The following CHID1 variants were observed in gnomAD, a reference collection of about 807,000 sequenced individuals.
The protein encoded by CHID1 is chitinase domain containing 1, also known as chitinase domain-containing protein 1.
A neutral mutation model predicts 55.4 loss-of-function variants in CHID1; 44 were observed. The observed-to-expected ratio is 0.79, with a 90% CI of 0.62 to 1.02. CHID1 has a LOEUF of 1.02. Among genes scored for constraint, CHID1 ranks in the 50% least tolerant of loss-of-function variants. CHID1 has a pLI of 0.00. For synonymous variants in CHID1, 216 were observed against 212.9 expected, an observed-to-expected ratio of 1.01 and a Z score of -0.13; for missense variants, 491 against 515.3, an observed-to-expected ratio of 0.95 and a Z score of 0.46.
At chr11:878,438 T>C (rs1195689519) in intron 10 of CHID1, among the ~76,000 whole-genome samples, 1 of 151,816 alleles carries the variant, frequency 6.6e-6, no homozygotes, top group East Asian at 2.0e-4. Context: ...TGGTGGCACA[T>C]GCCTGTAATT....
upstream of CHID1, chr11:910,958 G>C (rs1852642925): frequency 2.5e-6 from 1 of 392,566 alleles, no homozygotes; most frequent in Non-Finnish European, 3.5e-6. Flanking sequence ...GCCGGGGCCG[G>C]GGCCGGGGCG....
At chr11:880,301 A>G (rs1589832326) in intron 10 of CHID1, among the ~76,000 whole-genome samples, 2 of 152,138 alleles carry the variant, frequency 1.3e-5, no homozygotes, top group African/African-American at 4.8e-5. Context: ...CCCCAGGCCC[A>G]CCTCAGCCAG....
intron 10 of CHID1, among the ~76,000 whole-genome samples, chr11:877,183 T>C (rs999780135): frequency 3.3e-5 from 5 of 152,128 alleles, no homozygotes; most frequent in African/African-American, 1.2e-4. Context: ...ATACACACCT[T>C]TGTAATCAGA....
At chr11:914,800 C>A (rs927485490), upstream of CHID1, 3 of 342,218 alleles carry the variant, frequency 8.8e-6, no homozygotes, top group Admixed American at 8.0e-5. Flanking sequence ...GGGTTTGTGT[C>A]TTCCCCAGGC....
At chr11:896,125 A>G (rs1337385541) in intron 7 of CHID1, among the ~76,000 whole-genome samples, 2 of 136,444 alleles carry the variant, frequency 1.5e-5, no homozygotes, top group South Asian at 2.3e-4. Context: ...CAGTGCCCCC[A>G]GCCTCCACCC....
Position 875,436 on chromosome 11 carries a change from T to C in CHID1, c.960-4937A>G, listed in dbSNP as rs542473657. Among the ~76,000 whole-genome samples, 2 of 152,220 alleles carry C rather than the reference T, an allele frequency of 1.3e-5. No individual in the cohort carries two copies. The highest frequency in any genetic ancestry group is 2.9e-5 in the Non-Finnish European group (2 of 68,034). On this transcript the variant is annotated intron_variant, in intron 10 of 12. Coordinates refer to ENST00000323578, the MANE Select transcript of CHID1 (RefSeq NM_023947.4). This position sits in a 1 kb window ranked among gnomAD's most constrained non-coding sequence, Gnocchi z 4.7. ...TCCCTGCACCTGGCCCCATTGGGGA[T>C]GTGCTCAGGAGCTGCTGCTAGTCAG...
At chr11:909,365 G>A (rs1328087658) in intron 1 of CHID1, among the ~76,000 whole-genome samples, 1 of 152,270 alleles carries the variant, frequency 6.6e-6, no homozygotes, top group Non-Finnish European at 1.5e-5. Context: ...GTGTTATGAA[G>A]AGGCACAGGC....
intron 10 of CHID1, among the ~76,000 whole-genome samples, chr11:874,188 G>A (rs755183352): frequency 3.5e-4 from 54 of 152,208 alleles, no homozygotes; most frequent in Non-Finnish European, 6.6e-4. Context: ...GGGGCCGGGC[G>A]TGGTGGCTCA....
At position 893,515 on chromosome 11, in the gene CHID1, G is replaced by A. The variant is rs867862407; in HGVS notation, c.613C>T (p.Leu205Phe). The A allele has an allele frequency of 3.2e-6, 5 of 1,548,982 alleles. No individual in the cohort carries two copies. Among genetic ancestry groups the A allele is most frequent in the Middle Eastern group, 1.8e-4 (1 of 5,632 alleles). The change falls in exon 8 of 13, where the codon CTC becomes TTC. Residue 205 changes from leucine to phenylalanine, a missense_variant. Transcript: ENST00000323578. ...NQLLSQKRVG[L>F]IHMLTHLAEA... Reference sequence around the variant, plus strand: ...GCCAAGTGGGTGAGCATGTGGATGAGGCCCCTGCAAGAACCGAGAGATGGG... The same window carrying A: ...GCCAAGTGGGTGAGCATGTGGATGAAGCCCCTGCAAGAACCGAGAGATGGG...
At chr11:910,977 C>G (rs1852646816), upstream of CHID1, 1 of 226,004 alleles carries the variant, frequency 4.4e-6, no homozygotes, top group Non-Finnish European at 7.3e-6. Flanking sequence ...CGGGGCCGCG[C>G]CGGGGGCGGA....
rs1427234351 is a variant in CHID1, at chr11:875,093, C to T, written c.960-4594G>A. On this transcript the variant is annotated intron_variant, in intron 10 of 12. Transcript: ENST00000323578. This position sits in a 1 kb window ranked among gnomAD's most constrained non-coding sequence, Gnocchi z 4.7. ...GGCTTGCAGGCTCGGGCCAGGGCTG[C>T]TGTGAGCAATGGTGAGGCCCCCAGT... 1.3e-5 allele frequency among the ~76,000 whole-genome samples: 2 copies of T among 152,214 alleles called. No individual in the cohort carries two copies. Among genetic ancestry groups the T allele is most frequent in the Non-Finnish European group, 2.9e-5 (2 of 68,018 alleles).
Position 869,789 on chromosome 11 carries a change from T to C in CHID1, c.*69A>G. ...ACAGCAAACGGAGTGGAGGCCTGTA[T>C]TTCACACCTGCTCACTCACTCCATG... On this transcript the variant is annotated 3_prime_UTR_variant, in exon 13 of 13. Coordinates refer to ENST00000323578, the MANE Select transcript of CHID1 (RefSeq NM_023947.4). 1 of 1,422,328 alleles carries C rather than the reference T, an allele frequency of 7.0e-7. No homozygotes were observed. The highest frequency in any genetic ancestry group is 1.2e-5 in the South Asian group (1 of 86,916). 88.1% of individuals were successfully genotyped at this position (1,422,328 alleles called of 1,614,324 possible).
chr11:885,011 G>A (rs1469803245), intron 8 of CHID1, among the ~76,000 whole-genome samples: 1 of 152,256 alleles, frequency 6.6e-6, no homozygotes, highest in Non-Finnish European at 1.5e-5. Flanking sequence ...GGAGACAGGA[G>A]CAGTACATGA....
At chr11:914,681 C>G, upstream of CHID1, 2 of 570,332 alleles carry the variant, frequency 3.5e-6, no homozygotes, top group Admixed American at 5.7e-5. Flanking sequence ...TGTGATTGCA[C>G]TGCTGCACTC....
intron 10 of CHID1, 65 bp from the exon 11 acceptor site, chr11:870,564 C>G (rs996059851): frequency 1.6e-6 from 2 of 1,217,984 alleles, no homozygotes; most frequent in Admixed American, 1.9e-5. Context: ...CCCTGTACCC[C>G]CAAAGGCTGT....
At chr11:910,231 G>C (rs967317301) in intron 1 of CHID1, among the ~76,000 whole-genome samples, 1 of 152,096 alleles carries the variant, frequency 6.6e-6, no homozygotes, top group African/African-American at 2.4e-5. Context: ...CTGAACCAAG[G>C]GTGGGTGGGA....
chr11:887,145 T>C (rs1298166393), intron 8 of CHID1, among the ~76,000 whole-genome samples: 6 of 152,014 alleles, frequency 3.9e-5, no homozygotes, highest in Non-Finnish European at 8.8e-5. Flanking sequence ...AAGCTCCTCC[T>C]CTCAGCCTCC....
At chr11:892,977 C>T (rs905021704) in intron 8 of CHID1, among the ~76,000 whole-genome samples, 6 of 152,228 alleles carry the variant, frequency 3.9e-5, no homozygotes, top group Non-Finnish European at 5.9e-5. Flanking sequence ...CAACCGCACA[C>T]AGCGAGTGGC....
chr11:886,709 C>T (rs1172177109), intron 8 of CHID1, among the ~76,000 whole-genome samples: 4 of 152,346 alleles, frequency 2.6e-5, no homozygotes, highest in East Asian at 3.9e-4. Context: ...AGGTGGGCTT[C>T]GGGCTTGCCA....
Sources: allele counts gnomAD v4.1 joint callset (sites outside exome capture counted in the v4.1 genomes callset), GRCh38; gene constraint gnomAD v4.1.1; non-coding constraint Gnocchi (gnomAD v3.1); transcripts MANE v1.5; gene names NCBI Gene and HGNC (gene_info 2026-07-23, HGNC 2026-07-21).